The following PLCL1 variants were observed in gnomAD, a reference collection of about 807,000 sequenced individuals.
PLCL1 encodes the protein inactive phospholipase C-like protein 1.
Under a neutral mutation model 84.4 loss-of-function variants are expected in PLCL1, and 41 were observed. That is an observed-to-expected ratio of 0.49 (90% CI 0.38 to 0.63). PLCL1 has a LOEUF of 0.63. Among genes scored for constraint, PLCL1 ranks in the 30% least tolerant of loss-of-function variants. The pLI is 0.00. For synonymous variants in PLCL1, 490 were observed against 488.3 expected (o/e 1.00, Z -0.05); for missense variants, 1,206 against 1,367.8 (o/e 0.88, Z 1.87).
chr2:198,044,944 T>G (rs974296066), intron 1 of PLCL1, among the ~76,000 whole-genome samples: 1 of 152,124 alleles, frequency 6.6e-6, no homozygotes, highest in Admixed American at 6.6e-5. Context: ...AACATAGGAA[T>G]TAGCAGATAG....
At chr2:197,894,369 G>A (rs1688092051) in intron 1 of PLCL1, among the ~76,000 whole-genome samples, 1 of 151,942 alleles carries the variant, frequency 6.6e-6, no homozygotes, top group African/African-American at 2.4e-5. Flanking sequence ...ATAGTTTCCT[G>A]CCACTGATGA....
chr2:198,018,610 G>T (rs956465169), intron 1 of PLCL1, among the ~76,000 whole-genome samples: 2 of 152,184 alleles, frequency 1.3e-5, no homozygotes, highest in African/African-American at 2.4e-5. Flanking sequence ...AAACAAAGCC[G>T]CCTGGAAGTT....
chr2:197,880,286 G>A (rs1462549963), intron 1 of PLCL1, among the ~76,000 whole-genome samples: 1 of 152,018 alleles, frequency 6.6e-6, no homozygotes, highest in East Asian at 1.9e-4. Flanking sequence ...CATAGAGGCA[G>A]CCGAAGGACT....
chr2:198,147,038 GT>G lies in PLCL1; in HGVS notation c.*80del. 7.9e-7 allele frequency: 1 copy of G among 1,266,322 alleles called. No individual in the cohort carries two copies. Among genetic ancestry groups the G allele is most frequent in the Non-Finnish European group, 1.1e-6 (1 of 932,424 alleles). 78.4% of individuals were successfully genotyped at this position (1,266,322 alleles called of 1,614,324 possible). On this transcript the variant is annotated 3_prime_UTR_variant, in exon 6 of 6. Coordinates refer to ENST00000428675, the MANE Select transcript of PLCL1 (RefSeq NM_006226.4). ...TCATTCTTGTTTTCTTTCTTTAAAT[GT>G]TTTATAAGTTCACAAAATGGTGCCC...
At chr2:198,012,861 T>C (rs1690904674) in intron 1 of PLCL1, among the ~76,000 whole-genome samples, 1 of 152,000 alleles carries the variant, frequency 6.6e-6, no homozygotes, top group Non-Finnish European at 1.5e-5. Context: ...ACATATATTC[T>C]ATAGATAGTT....
chr2:197,911,591 A>G (rs934856551), intron 1 of PLCL1, among the ~76,000 whole-genome samples: 1 of 152,200 alleles, frequency 6.6e-6, no homozygotes, highest in Non-Finnish European at 1.5e-5. Flanking sequence ...CATTAAGAGT[A>G]TGAATTAGGC....
chr2:198,103,020 G>T (rs1693381848), intron 4 of PLCL1, among the ~76,000 whole-genome samples: 1 of 152,028 alleles, frequency 6.6e-6, no homozygotes, highest in African/African-American at 2.4e-5. Flanking sequence ...AAATACTTGG[G>T]TGTTTCCCAA....
At chr2:198,040,562 T>C (rs1488480018) in intron 1 of PLCL1, among the ~76,000 whole-genome samples, 1 of 152,110 alleles carries the variant, frequency 6.6e-6, no homozygotes, top group African/African-American at 2.4e-5. Context: ...GAATTTCCGT[T>C]CTAGAGGAGG....
chr2:198,081,298 G>A (rs1038603215), intron 1 of PLCL1, among the ~76,000 whole-genome samples: 1 of 152,144 alleles, frequency 6.6e-6, no homozygotes, highest in African/African-American at 2.4e-5. Flanking sequence ...CAAATGAAAT[G>A]GTTAGCTTTA....
chr2:198,041,757 C>T (rs10206714), intron 1 of PLCL1, among the ~76,000 whole-genome samples: 68,957 of 151,892 alleles, frequency 0.45, 16,206 homozygotes, highest in Middle Eastern at 0.65. Flanking sequence ...AGGTCGGATA[C>T]GAACATAGCC....
At chr2:197,824,223 C>A (rs905610108) in intron 1 of PLCL1, among the ~76,000 whole-genome samples, 3 of 152,010 alleles carry the variant, frequency 2.0e-5, no homozygotes, top group African/African-American at 7.2e-5. Context: ...TTAAGAGACA[C>A]CTAAAACTCT....
At chr2:197,942,458 T>A (rs1226219820) in intron 1 of PLCL1, among the ~76,000 whole-genome samples, 1 of 152,212 alleles carries the variant, frequency 6.6e-6, no homozygotes, top group Non-Finnish European at 1.5e-5. Flanking sequence ...ATGGTTCTTG[T>A]TCTTACCACT....
chr2:197,961,238 G>GGAGAGAGAGAGAGAGAGAGAGAGAGAGA (rs60411488), intron 1 of PLCL1, among the ~76,000 whole-genome samples: 1 of 145,990 alleles, frequency 6.8e-6, no homozygotes, highest in Non-Finnish European at 1.5e-5. Context: ...TTGGGAAGGT[G>GGAGAGAGAGAGAGAGAGAGAGAGAGAGA]GAGAGAGAGA....
intron 1 of PLCL1, among the ~76,000 whole-genome samples, chr2:197,861,453 A>G (rs988421092): frequency 1.3e-5 from 2 of 152,186 alleles, no homozygotes; most frequent in Non-Finnish European, 2.9e-5. Context: ...TTTTAAATAA[A>G]CCAGAAAGTA....
At chr2:197,922,740 C>G (rs1207605916) in intron 1 of PLCL1, among the ~76,000 whole-genome samples, 1 of 122,690 alleles carries the variant, frequency 8.2e-6, no homozygotes, top group African/African-American at 2.9e-5. Flanking sequence ...AGAGGCGCCC[C>G]TCACCTCCCG....
At chr2:197,963,446 CTA>C (rs2105791363) in intron 1 of PLCL1, among the ~76,000 whole-genome samples, 1 of 151,962 alleles carries the variant, frequency 6.6e-6, no homozygotes, top group East Asian at 1.9e-4. Flanking sequence ...AGATTTTTTC[CTA>C]TAGAGTTGTT....
intron 1 of PLCL1, among the ~76,000 whole-genome samples, chr2:197,993,555 C>T (rs1314447292): frequency 1.3e-5 from 2 of 152,074 alleles, no homozygotes; most frequent in East Asian, 3.9e-4. Context: ...TGTTGAAGTG[C>T]CTTGTGTAAC....
intron 1 of PLCL1, among the ~76,000 whole-genome samples, chr2:197,840,015 G>C (rs910020165): frequency 6.6e-6 from 1 of 152,170 alleles, no homozygotes; most frequent in African/African-American, 2.4e-5. Context: ...TTTAAAACCT[G>C]GCAGTGGAAG....
chr2:197,926,500 A>G (rs1364996788), intron 1 of PLCL1, among the ~76,000 whole-genome samples: 1 of 152,042 alleles, frequency 6.6e-6, no homozygotes, highest in Non-Finnish European at 1.5e-5. Flanking sequence ...GAGCTTTCAA[A>G]CTCAAATTAT....
Sources: allele counts gnomAD v4.1 joint callset (sites outside exome capture counted in the v4.1 genomes callset), GRCh38; gene constraint gnomAD v4.1.1; transcripts MANE v1.5; gene names NCBI Gene and HGNC (gene_info 2026-07-23, HGNC 2026-07-21).